The following CNBD1 variants were observed in gnomAD, a reference collection of about 807,000 sequenced individuals.
The protein encoded by CNBD1 is cyclic nucleotide-binding domain-containing protein 1.
A neutral mutation model predicts 54.4 loss-of-function variants in CNBD1; 71 were observed. The ratio of observed to expected loss-of-function variants is 1.30; its 90% confidence interval spans 1.08 to 1.59. CNBD1 has a LOEUF of 1.59. Ranked by LOEUF, CNBD1 falls within the 40% of genes most tolerant of loss-of-function variation. CNBD1 has a pLI of 0.00. For missense variants in CNBD1, 659 were observed against 518.0 expected, an observed-to-expected ratio of 1.27 and a Z score of -2.64; for synonymous variants, 182 against 170.7, an observed-to-expected ratio of 1.07 and a Z score of -0.51.
chr8:87,069,975 T>A (rs183591236), intron 4 of CNBD1, among the ~76,000 whole-genome samples: 125 of 152,128 alleles, frequency 8.2e-4, no homozygotes, highest in Non-Finnish European at 1.6e-3. Context: ...TCTGTTCAGT[T>A]TTATTTTGGT....
intron 5 of CNBD1, among the ~76,000 whole-genome samples, chr8:87,216,625 C>T (rs2086768601): frequency 6.6e-6 from 1 of 152,066 alleles, no homozygotes. Context: ...CAGGATAAAG[C>T]TCACTGTCCC....
intron 2 of CNBD1, among the ~76,000 whole-genome samples, chr8:87,415,087 C>A (rs551571879): frequency 5.3e-5 from 8 of 152,188 alleles, no homozygotes; most frequent in Admixed American, 2.0e-4. Context: ...GAACTCATTG[C>A]TGTATCACAA....
At chr8:86,997,881 A>T (rs145779925) in intron 4 of CNBD1, among the ~76,000 whole-genome samples, 17 of 152,252 alleles carry the variant, frequency 1.1e-4, no homozygotes, top group African/African-American at 3.9e-4. Context: ...ATTCTCCCCT[A>T]TAAGAAGCTC....
chr8:87,010,702 G>A (rs1293106507), intron 4 of CNBD1, among the ~76,000 whole-genome samples: 6 of 152,106 alleles, frequency 3.9e-5, no homozygotes, highest in East Asian at 1.9e-4. Flanking sequence ...CCGTGATCAC[G>A]CCACTACACT....
chr8:86,956,145 A>G (rs1807763091), intron 4 of CNBD1, among the ~76,000 whole-genome samples: 2 of 152,116 alleles, frequency 1.3e-5, no homozygotes, highest in South Asian at 2.1e-4. Flanking sequence ...AGTTGTAGAT[A>G]TGCGGAGTTA....
chr8:86,942,641 C>G (rs958604598), intron 4 of CNBD1, among the ~76,000 whole-genome samples: 2 of 152,190 alleles, frequency 1.3e-5, no homozygotes, highest in Non-Finnish European at 2.9e-5. Context: ...GTCTGTTTCT[C>G]TCTCTGTTAT....
rs189680278 is a variant in CNBD1, at chr8:87,240,700, A to G, written c.771+3588A>G. On this transcript the variant is annotated intron_variant, in intron 6 of 10. Transcript: ENST00000518476. ...GTTTTCTGGCTCTTTCCAGTCAGGAAAGGAAGGAGGCTGGGAATTAAAGGC... is the reference window on the plus strand; with the variant it reads ...GTTTTCTGGCTCTTTCCAGTCAGGAGAGGAAGGAGGCTGGGAATTAAAGGC... Among the ~76,000 whole-genome samples the G allele has an allele frequency of 4.5e-3, 687 of 152,220 alleles. 4 individuals are homozygous for G. Among genetic ancestry groups the G allele is most frequent in the Admixed American group, 8.1e-3 (124 of 15,284 alleles).
chr8:87,084,333 A>G (rs2130669721), intron 4 of CNBD1, among the ~76,000 whole-genome samples: 1 of 152,280 alleles, frequency 6.6e-6, no homozygotes, highest in South Asian at 2.1e-4. Context: ...CTTCTACTGG[A>G]AAAAATTGAG....
chr8:87,326,073 G>A (rs1180841307), intron 8 of CNBD1, among the ~76,000 whole-genome samples: 1 of 123,072 alleles, frequency 8.1e-6, no homozygotes, highest in East Asian at 2.1e-4. Flanking sequence ...AGCTTAGTTT[G>A]GCTGGATATG....
At chr8:87,122,136 C>T (rs1029428128) in intron 4 of CNBD1, among the ~76,000 whole-genome samples, 2 of 151,678 alleles carry the variant, frequency 1.3e-5, no homozygotes, top group Admixed American at 6.6e-5. Flanking sequence ...TTTTGAGGAA[C>T]CTCCATACCA....
chr8:87,086,266 G>T (rs181776224), intron 4 of CNBD1, among the ~76,000 whole-genome samples: 1 of 152,048 alleles, frequency 6.6e-6, no homozygotes, highest in Non-Finnish European at 1.5e-5. Context: ...CCTCTTCCTC[G>T]CATGCTCTGT....
intron 5 of CNBD1, among the ~76,000 whole-genome samples, chr8:87,213,029 G>A (rs60170883): frequency 0.047 from 7,133 of 152,000 alleles, 439 homozygotes; most frequent in African/African-American, 0.14. Flanking sequence ...ACCCAATTTC[G>A]AAAATGAGTA....
intron 6 of CNBD1, among the ~76,000 whole-genome samples, chr8:87,246,050 A>C (rs568160405): frequency 6.6e-6 from 1 of 152,232 alleles, no homozygotes; most frequent in Admixed American, 6.5e-5. Flanking sequence ...AAAATTTTCC[A>C]GAACTACTGC....
intron 8 of CNBD1, among the ~76,000 whole-genome samples, chr8:87,314,378 C>A (rs957682047): frequency 2.6e-5 from 4 of 151,714 alleles, no homozygotes; most frequent in Admixed American, 6.6e-5. Flanking sequence ...ATATCCTTAT[C>A]TTTATGGCAG....
At chr8:86,997,476 C>T (rs926885717) in intron 4 of CNBD1, among the ~76,000 whole-genome samples, 1 of 152,108 alleles carries the variant, frequency 6.6e-6, no homozygotes, top group Non-Finnish European at 1.5e-5. Context: ...GACTTTTAGT[C>T]CTCCTTGAAA....
intron 4 of CNBD1, among the ~76,000 whole-genome samples, chr8:87,164,955 ATAAGTT>A (rs1563492464): frequency 6.6e-6 from 1 of 151,522 alleles, no homozygotes; most frequent in African/African-American, 2.4e-5. Flanking sequence ...GCTGCATCTT[ATAAGTT>A]TGATATTTTG....
chr8:87,377,190 T>C (rs1240914573), intron 10 of CNBD1, among the ~76,000 whole-genome samples: 1 of 151,458 alleles, frequency 6.6e-6, no homozygotes, highest in African/African-American at 2.4e-5. Flanking sequence ...TTACGGTACA[T>C]GTGCACATTG....
chr8:87,255,470 A>G (rs1392054346), intron 6 of CNBD1, among the ~76,000 whole-genome samples: 4 of 152,152 alleles, frequency 2.6e-5, no homozygotes, highest in Non-Finnish European at 5.9e-5. Context: ...CAGAGAAATA[A>G]CAATATAACA....
intron 10 of CNBD1, among the ~76,000 whole-genome samples, chr8:87,367,584 T>G (rs1262107829): frequency 2.0e-5 from 3 of 152,156 alleles, no homozygotes; most frequent in African/African-American, 7.2e-5. Context: ...GATTCTGAGC[T>G]GATTCTCCCA....
Sources: gnomAD v4.1 joint callset for allele counts (sites outside exome capture counted in the v4.1 genomes callset) on GRCh38, gnomAD v4.1.1 for gene constraint, MANE v1.5 for transcripts, NCBI Gene and HGNC (gene_info 2026-07-23, HGNC 2026-07-21) for gene names.